Variants in PACRG observed in about 807,000 individuals in gnomAD.
PACRG encodes parkin coregulated.
A neutral mutation model predicts 29.7 loss-of-function variants in PACRG; 29 were observed. That is an observed-to-expected ratio of 0.98 (90% CI 0.73 to 1.33). The LOEUF is 1.33. Among genes scored for constraint, PACRG ranks in the 40% most tolerant of loss-of-function variants. The pLI is 0.00. For missense variants in PACRG, 279 were observed against 316.2 expected (o/e 0.88, Z 0.89); for synonymous variants, 116 against 118.7 (o/e 0.98, Z 0.15).
chr6:162,925,165 G>A (rs190877656), intron 2 of PACRG, among the ~76,000 whole-genome samples: 26 of 152,202 alleles, frequency 1.7e-4, no homozygotes, highest in Middle Eastern at 3.4e-3. Flanking sequence ...AATTGAGGCA[G>A]TAATAAATAG....
At chr6:162,933,310 A>T (rs1319326293) in intron 2 of PACRG, among the ~76,000 whole-genome samples, 1 of 152,104 alleles carries the variant, frequency 6.6e-6, no homozygotes, top group Non-Finnish European at 1.5e-5. Context: ...TGATGAGAAG[A>T]ATGTGTATAT....
rs373371599 is a variant in PACRG at position 162,784,377 on chromosome 6, G to A, written c.157-29770G>A. Among the ~76,000 whole-genome samples, 13 of 152,238 alleles carry A rather than the reference G, an allele frequency of 8.5e-5. No homozygotes were observed. In the South Asian group the frequency reaches 2.3e-3, roughly 27 times the overall value. ...TAATTTCTCGATCTCCCTTGTCTGCGTGGAAAGGACTGTGAGGACCTAGAG... is the reference window on the plus strand; with the variant it reads ...TAATTTCTCGATCTCCCTTGTCTGCATGGAAAGGACTGTGAGGACCTAGAG... On this transcript the variant is annotated intron_variant, in intron 1 of 4. Transcript: ENST00000366888.
chr6:162,752,936 A>G (rs1418037024), intron 1 of PACRG, among the ~76,000 whole-genome samples: 3 of 151,912 alleles, frequency 2.0e-5, no homozygotes, highest in Admixed American at 1.3e-4. Context: ...TTATGTATTT[A>G]TGTATTTATT....
chr6:162,774,872 G>A lies in PACRG; in HGVS notation c.157-39275G>A, dbSNP rs118059371. 7.1e-3 allele frequency among the ~76,000 whole-genome samples: 1,085 copies of A among 152,146 alleles called. 3 individuals are homozygous for A. Among genetic ancestry groups the A allele is most frequent in the Non-Finnish European group, 0.013 (868 of 68,014 alleles). On this transcript the variant is annotated intron_variant, in intron 1 of 4. Coordinates refer to ENST00000366888, the MANE Select transcript of PACRG (RefSeq NM_001080379.2). ...TTCTATATGACCATCTGCCCTACCC[G>A]ACTAGAAATCCCTGAAGACTGGAGC...
At chr6:162,908,362 T>C (rs1317554297) in intron 2 of PACRG, among the ~76,000 whole-genome samples, 1 of 152,218 alleles carries the variant, frequency 6.6e-6, no homozygotes, top group Admixed American at 6.5e-5. Flanking sequence ...TTAGGTTGCA[T>C]CTTAAAGAAG....
chr6:163,301,720 A>G (rs1011911740), intron 4 of PACRG, among the ~76,000 whole-genome samples: 1 of 152,248 alleles, frequency 6.6e-6, no homozygotes, highest in Admixed American at 6.5e-5. Flanking sequence ...AATGATGGCC[A>G]GTCTACTCTT....
chr6:162,784,475 T>C (rs1784311493), intron 1 of PACRG, among the ~76,000 whole-genome samples: 1 of 152,244 alleles, frequency 6.6e-6, no homozygotes, highest in African/African-American at 2.4e-5. Flanking sequence ...TGTGGGACTT[T>C]GTGTGATCCA....
At chr6:163,086,286 C>T (rs1053289517) in intron 3 of PACRG, among the ~76,000 whole-genome samples, 5 of 152,216 alleles carry the variant, frequency 3.3e-5, no homozygotes, top group African/African-American at 2.4e-5. Flanking sequence ...GACTGCAACA[C>T]GCTGCGTGCC....
At chr6:163,095,172 A>G (rs1024992325) in intron 4 of PACRG, among the ~76,000 whole-genome samples, 3 of 152,100 alleles carry the variant, frequency 2.0e-5, no homozygotes, top group Admixed American at 6.5e-5. Flanking sequence ...CCTCTTTACC[A>G]TGGTGAAACC....
chr6:163,181,797 C>T (rs1004856771), intron 4 of PACRG, among the ~76,000 whole-genome samples: 3 of 151,948 alleles, frequency 2.0e-5, no homozygotes, highest in African/African-American at 4.8e-5. Flanking sequence ...TCCAGCATAC[C>T]GTAAAACCTG....
intron 4 of PACRG, among the ~76,000 whole-genome samples, chr6:163,230,730 A>AAGGAAGAACGCAGG (rs1781987598): frequency 3.9e-5 from 6 of 152,346 alleles, no homozygotes; most frequent in East Asian, 1.9e-4. Context: ...TGAATAAACA[A>AAGGAAGAACGCAGG]ATGAAGAACG....
intron 4 of PACRG, among the ~76,000 whole-genome samples, chr6:163,208,287 T>TTTTTC (rs1780990425): frequency 1.3e-5 from 2 of 152,242 alleles, no homozygotes; most frequent in African/African-American, 4.8e-5. Context: ...TTTTCTTTTT[T>TTTTTC]CTCTTCTTTT....
intron 4 of PACRG, among the ~76,000 whole-genome samples, chr6:163,208,606 T>A (rs1223057069): frequency 6.6e-6 from 1 of 152,230 alleles, no homozygotes; most frequent in African/African-American, 2.4e-5. Flanking sequence ...CCATCTTTTT[T>A]GGTATCACTT....
At chr6:162,786,858 A>G (rs1784502235) in intron 1 of PACRG, among the ~76,000 whole-genome samples, 1 of 152,062 alleles carries the variant, frequency 6.6e-6, no homozygotes, top group African/African-American at 2.4e-5. Context: ...TTTCAGTTGT[A>G]TTGGATCACT....
At chr6:163,109,294 C>T (rs892750280) in intron 4 of PACRG, among the ~76,000 whole-genome samples, 3 of 152,214 alleles carry the variant, frequency 2.0e-5, no homozygotes, top group Non-Finnish European at 4.4e-5. Context: ...CAACTGTGTA[C>T]CCACCCCACT....
At chr6:163,017,210 A>C (rs1806192828) in intron 2 of PACRG, among the ~76,000 whole-genome samples, 1 of 152,208 alleles carries the variant, frequency 6.6e-6, no homozygotes. Context: ...TATTTTGTAC[A>C]TAATTGCATA....
At chr6:162,816,622 G>C (rs1584443758) in intron 2 of PACRG, among the ~76,000 whole-genome samples, 1 of 152,288 alleles carries the variant, frequency 6.6e-6, no homozygotes, top group East Asian at 1.9e-4. Context: ...AAAGTGCTGG[G>C]ATTACAGGCG....
At position 162,959,079 on chromosome 6, in the gene PACRG, A is replaced by T. The variant is rs1395207564; in HGVS notation, c.292-103071A>T. 1.0e-4 allele frequency among the ~76,000 whole-genome samples: 11 copies of T among 108,960 alleles called. 1 individual carries two copies. The highest frequency in any genetic ancestry group is 5.5e-4 in the African/African-American group (9 of 16,336). 71.5% of individuals were successfully genotyped at this position (108,960 alleles called of 152,430 possible). A position where few individuals can be genotyped will look rare whatever the true frequency, so the allele number is the denominator to read the frequency against. On this transcript the variant is annotated intron_variant, in intron 2 of 4. Coordinates refer to ENST00000366888, the MANE Select transcript of PACRG (RefSeq NM_001080379.2). ...CAGGTGCACGACACCATGCCTGGCT[A>T]ACTTTTTTTTTTTTTTGTAGTGGAG...
intron 4 of PACRG, among the ~76,000 whole-genome samples, chr6:163,199,640 T>G (rs1036519204): frequency 2.0e-5 from 3 of 152,052 alleles, no homozygotes; most frequent in Non-Finnish European, 4.4e-5. Flanking sequence ...CACCTAATAC[T>G]TCCCTGGAGG....
Sources: gnomAD v4.1 joint callset for allele counts (sites outside exome capture counted in the v4.1 genomes callset) on GRCh38, gnomAD v4.1.1 for gene constraint, MANE v1.5 for transcripts, NCBI Gene and HGNC (gene_info 2026-07-23, HGNC 2026-07-21) for gene names.